The following PSMD14 variants were observed in gnomAD, a reference collection of about 807,000 sequenced individuals.
PSMD14 encodes ubiquitin C-terminal hydrolase PSMD14.
PSMD14 carries 7 observed loss-of-function variants against 41.2 expected under a neutral mutation model. That is an observed-to-expected ratio of 0.17 (90% CI 0.10 to 0.32). PSMD14 has a LOEUF of 0.32. PSMD14 is among the 10% of genes least tolerant of loss of function. The probability of loss-of-function intolerance (pLI) is 1.00; values close to 1 mark genes in which losing one functional copy is unlikely to be tolerated. For synonymous variants in PSMD14, 114 were observed against 122.3 expected, an observed-to-expected ratio of 0.93 and a Z score of 0.45; for missense variants, 139 against 375.6, an observed-to-expected ratio of 0.37 and a Z score of 5.21.
At chr2:161,408,574 T>A in intron 10 of PSMD14, 2 of 387,194 alleles carry the variant, frequency 5.2e-6, no homozygotes, top group Non-Finnish European at 9.7e-6. Flanking sequence ...TTGCAAATGG[T>A]CAACACAATC....
intron 3 of PSMD14, among the ~76,000 whole-genome samples, chr2:161,334,775 G>A (rs1358743590): frequency 2.0e-5 from 3 of 152,236 alleles, no homozygotes; most frequent in Non-Finnish European, 4.4e-5. Flanking sequence ...TCACTATATC[G>A]CCCAGGCGAA....
intron 2 of PSMD14, 85 bp downstream of exon 2, chr2:161,316,654 G>T (rs969423221): frequency 6.6e-6 from 1 of 152,144 alleles, no homozygotes; most frequent in African/African-American, 2.4e-5. Flanking sequence ...ATTTTTAACA[G>T]ATGTCAAATT....
intron 3 of PSMD14, among the ~76,000 whole-genome samples, chr2:161,366,647 C>T (rs1426979931): frequency 6.6e-6 from 1 of 151,842 alleles, no homozygotes; most frequent in East Asian, 1.9e-4. Context: ...CCAGATTGTC[C>T]AATATTAAAA....
At chr2:161,400,731 A>C (rs1391565091) in intron 10 of PSMD14, among the ~76,000 whole-genome samples, 2 of 151,932 alleles carry the variant, frequency 1.3e-5, no homozygotes, top group African/African-American at 4.8e-5. Context: ...TTTTTTGTAG[A>C]GATGGGGTTT....
At chr2:161,353,437 TA>T (rs1257069739) in intron 3 of PSMD14, among the ~76,000 whole-genome samples, 3 of 152,370 alleles carry the variant, frequency 2.0e-5, no homozygotes, top group African/African-American at 7.2e-5. Context: ...CATGTTTGAC[TA>T]ATTAGGAATC....
At chr2:161,397,169 C>A (rs1459096357) in intron 10 of PSMD14, among the ~76,000 whole-genome samples, 1 of 152,000 alleles carries the variant, frequency 6.6e-6, no homozygotes, top group African/African-American at 2.4e-5. Flanking sequence ...ATGCTTAGAA[C>A]CTGACTTTAG....
chr2:161,310,620 G>T (rs1406700093), intron 1 of PSMD14, among the ~76,000 whole-genome samples: 1 of 152,146 alleles, frequency 6.6e-6, no homozygotes, highest in African/African-American at 2.4e-5. Flanking sequence ...GAATAGCAAC[G>T]ACAACATTTA....
At chr2:161,378,357 CA>C (rs528380846) in intron 7 of PSMD14, among the ~76,000 whole-genome samples, 2 of 151,874 alleles carry the variant, frequency 1.3e-5, no homozygotes, top group Non-Finnish European at 2.9e-5. Flanking sequence ...CAGAACTGAG[CA>C]GTGATAAGTA....
rs1489810142 is a variant in PSMD14 at position 161,343,472 on chromosome 2, G to T, written c.49-24006G>T. ...TTGTCCATTCATCTATTGATGAGCA[G>T]TTGGGTTGATTTCACCTTTTGGCTA... is the stretch of plus-strand genomic sequence containing the variant. On this transcript the variant is annotated intron_variant, in intron 3 of 11. Coordinates refer to ENST00000409682, the MANE Select transcript of PSMD14 (RefSeq NM_005805.6). Among the ~76,000 whole-genome samples the T allele has an allele frequency of 1.3e-5, 2 of 152,196 alleles. 1 individual carries two copies. Among genetic ancestry groups the T allele is most frequent in the Middle Eastern group, 6.3e-3 (2 of 316 alleles).
chr2:161,402,823 T>TA (rs750852530), intron 10 of PSMD14, among the ~76,000 whole-genome samples: 1 of 151,914 alleles, frequency 6.6e-6, no homozygotes. Context: ...TACAAACACA[T>TA]AAAAAAGATG....
At position 161,391,300 on chromosome 2, in the gene PSMD14, C is replaced by T. The variant is rs1023105002; in HGVS notation, c.645+122C>T. On this transcript the variant is annotated intron_variant, in intron 9 of 11. Coordinates refer to ENST00000409682, the MANE Select transcript of PSMD14 (RefSeq NM_005805.6). ...CTTTCAGTGTTTCCAAATATTATTC[C>T]ATTATTGATGAATTGCAGCACAAAA... 4 of 1,008,914 alleles carry T rather than the reference C, an allele frequency of 4.0e-6. No homozygotes were observed. The African/African-American group carries it at 6.5e-5, about 16-fold the overall frequency. The allele number at this position is 1,008,914 out of a possible 1,614,324, so 62.5% of individuals were successfully genotyped here.
At chr2:161,317,979 G>A (rs1476343365) in intron 2 of PSMD14, among the ~76,000 whole-genome samples, 9 of 151,906 alleles carry the variant, frequency 5.9e-5, no homozygotes, top group African/African-American at 1.9e-4. Context: ...GTTATTTAAG[G>A]CCATATAAGT....
intron 7 of PSMD14, among the ~76,000 whole-genome samples, chr2:161,377,663 C>G (rs545953040): frequency 1.1e-4 from 16 of 151,844 alleles, no homozygotes. Flanking sequence ...AATATAATCT[C>G]TGATCTAATT....
chr2:161,397,000 A>T (rs553605469), intron 10 of PSMD14, among the ~76,000 whole-genome samples: 1 of 151,864 alleles, frequency 6.6e-6, no homozygotes, highest in Non-Finnish European at 1.5e-5. Context: ...GCTAATTTTT[A>T]TATCTTTTAG....
At chr2:161,336,098 A>C (rs1436987803) in intron 3 of PSMD14, among the ~76,000 whole-genome samples, 1 of 152,164 alleles carries the variant, frequency 6.6e-6, no homozygotes, top group Non-Finnish European at 1.5e-5. Flanking sequence ...CGCCCATTTT[A>C]GGTTTGTAAA....
At chr2:161,381,264 C>T (rs1458972967) in intron 7 of PSMD14, 1 of 149,526 alleles carries the variant, frequency 6.7e-6, no homozygotes, top group Non-Finnish European at 1.5e-5. Context: ...ATAATACATA[C>T]ATTATATATA....
intron 3 of PSMD14, among the ~76,000 whole-genome samples, chr2:161,347,730 A>G (rs1460208011): frequency 1.3e-5 from 2 of 152,198 alleles, no homozygotes; most frequent in African/African-American, 4.8e-5. Context: ...CGATTGATTC[A>G]TTTTCATCTA....
At chr2:161,373,674 A>G (rs964267569) in intron 7 of PSMD14, among the ~76,000 whole-genome samples, 1 of 151,986 alleles carries the variant, frequency 6.6e-6, no homozygotes, top group Non-Finnish European at 1.5e-5. Context: ...TTAAAATGAC[A>G]TTTTATATAT....
chr2:161,395,340 C>G, intron 10 of PSMD14, 137 bp downstream of exon 10: 1 of 854,680 alleles, frequency 1.2e-6, no homozygotes, highest in Non-Finnish European at 1.8e-6. Flanking sequence ...TGCAGTTCAT[C>G]TGGTCTGCAA....
Sources: allele counts gnomAD v4.1 joint callset (sites outside exome capture counted in the v4.1 genomes callset), GRCh38; gene constraint gnomAD v4.1.1; transcripts MANE v1.5; gene names NCBI Gene and HGNC (gene_info 2026-07-23, HGNC 2026-07-21).